The following LGSN variants were observed in gnomAD, a reference collection of about 807,000 sequenced individuals.
LGSN encodes the protein lengsin, lens protein with glutamine synthetase domain.
A neutral mutation model predicts 19.5 loss-of-function variants in LGSN; 21 were observed. That is an observed-to-expected ratio of 1.07 (90% confidence interval 0.76 to 1.55). The LOEUF (loss-of-function observed/expected upper bound fraction) is 1.55, where lower values mean the gene tolerates loss of function less well. LGSN is among the 40% of genes most tolerant of loss of function. LGSN has a pLI of 0.00. For missense variants in LGSN, 673 were observed against 608.5 expected (o/e 1.11, Z -1.12); for synonymous variants, 257 against 215.6 (o/e 1.19, Z -1.68).
At chr6:63,496,586 A>G in the LGSN span, among the ~76,000 whole-genome samples, 1 of 151,702 alleles carries the variant, frequency 6.6e-6, no homozygotes, top group African/African-American at 2.4e-5. Context: ...TAAAGTGTTT[A>G]TTATTTGAAG....
At chr6:63,377,442 G>A in the LGSN span, among the ~76,000 whole-genome samples, 6 of 152,188 alleles carry the variant, frequency 3.9e-5, no homozygotes, top group Non-Finnish European at 7.3e-5. Context: ...TCAGCCCTGG[G>A]GAGTTGGTTC....
At chr6:63,485,640 G>C in the LGSN span, among the ~76,000 whole-genome samples, 21 of 152,218 alleles carry the variant, frequency 1.4e-4, no homozygotes, top group South Asian at 1.7e-3. Flanking sequence ...AACTAATTTA[G>C]ACTCCCACCA....
the LGSN span, chr6:63,441,757 C>A: frequency 7.8e-5 from 29 of 372,412 alleles, no homozygotes; most frequent in Non-Finnish European, 1.3e-4. Flanking sequence ...CCGAATCCTG[C>A]CCCTGCAAGC....
At chr6:63,526,803 G>GTA in the LGSN span, among the ~76,000 whole-genome samples, 17,424 of 101,004 alleles carry the variant, frequency 0.17, 1,468 homozygotes, top group East Asian at 0.19. Context: ...TCTCAAAAAT[G>GTA]TATATATATA....
the LGSN span, among the ~76,000 whole-genome samples, chr6:63,456,239 G>A: frequency 1.3e-5 from 2 of 149,772 alleles, no homozygotes; most frequent in Non-Finnish European, 3.0e-5. Context: ...AAAAAAAAAA[G>A]TAAAAGTTAA....
the LGSN span, among the ~76,000 whole-genome samples, chr6:63,361,319 T>C: frequency 6.6e-6 from 1 of 152,178 alleles, no homozygotes; most frequent in Non-Finnish European, 1.5e-5. Context: ...TTGAGCTTCC[T>C]GGCTGCTTTG....
the LGSN span, among the ~76,000 whole-genome samples, chr6:63,498,186 G>A: frequency 2.0e-5 from 3 of 151,864 alleles, no homozygotes; most frequent in Non-Finnish European, 4.4e-5. Flanking sequence ...CCAAATTGCT[G>A]GGATTACAGA....
At chr6:63,544,108 T>TA in the LGSN span, among the ~76,000 whole-genome samples, 1 of 152,276 alleles carries the variant, frequency 6.6e-6, no homozygotes, top group Admixed American at 6.5e-5. Flanking sequence ...TAATTCTACT[T>TA]ACAATTGTGG....
At chr6:63,572,330 C>A in the LGSN span, 3 of 255,348 alleles carry the variant, frequency 1.2e-5, no homozygotes, top group Non-Finnish European at 2.2e-5. Context: ...CCGGTTCACA[C>A]CGGCGGCGGC....
At chr6:63,499,586 C>T in the LGSN span, among the ~76,000 whole-genome samples, 1 of 152,052 alleles carries the variant, frequency 6.6e-6, no homozygotes, top group Admixed American at 6.6e-5. Flanking sequence ...ATAGTTCTTT[C>T]CTGCTTCAGG....
At chr6:63,379,293 T>A in the LGSN span, among the ~76,000 whole-genome samples, 1 of 152,068 alleles carries the variant, frequency 6.6e-6, no homozygotes, top group East Asian at 1.9e-4. Context: ...GAGAAGGGGA[T>A]ACCATGAGGC....
Position 63,281,059 on chromosome 6 carries a change from T to C in LGSN, c.492A>G (p.Arg164=). 1.2e-6 allele frequency: 2 copies of C among 1,613,986 alleles called. No homozygotes were observed. Among genetic ancestry groups the C allele is most frequent in the Non-Finnish European group, 1.7e-6 (2 of 1,179,978 alleles). The change falls in exon 4 of 4, where the codon AGA becomes AGG. Residue 164 remains arginine, a synonymous_variant. Transcript: ENST00000370657. ...AGGTATCACATATCACTCTTGCAGT[T>C]CTGTCAGCCCATGGCAAAACTCTAA... The part of the protein sequence containing the change: ...STFRVLPWAD[R]TARVICDTFT...
the LGSN span, among the ~76,000 whole-genome samples, chr6:63,553,946 A>G: frequency 5.3e-5 from 8 of 152,236 alleles, no homozygotes; most frequent in African/African-American, 9.6e-5. Flanking sequence ...CATCAAAGTT[A>G]GTGATATCAG....
At chr6:63,422,654 A>G in the LGSN span, among the ~76,000 whole-genome samples, 1 of 152,326 alleles carries the variant, frequency 6.6e-6, no homozygotes, top group African/African-American at 2.4e-5. Context: ...AAATGTCTAT[A>G]CAAAGAGATA....
chr6:63,322,091 A>G (rs188958357), upstream of LGSN, among the ~76,000 whole-genome samples: 3 of 152,364 alleles, frequency 2.0e-5, no homozygotes, highest in Admixed American at 2.0e-4. Flanking sequence ...AGGGGAAACA[A>G]TATGTTGTTT....
At chr6:63,354,397 A>G in the LGSN span, among the ~76,000 whole-genome samples, 1 of 152,182 alleles carries the variant, frequency 6.6e-6, no homozygotes, top group Non-Finnish European at 1.5e-5. Flanking sequence ...AAAATGTTCA[A>G]CGTCACTAAT....
At chr6:63,455,688 A>T in the LGSN span, among the ~76,000 whole-genome samples, 1 of 152,120 alleles carries the variant, frequency 6.6e-6, no homozygotes, top group Non-Finnish European at 1.5e-5. Flanking sequence ...CGGGAGGCAG[A>T]GGTTGTAGTG....
At chr6:63,334,802 T>C in the LGSN span, among the ~76,000 whole-genome samples, 11 of 151,860 alleles carry the variant, frequency 7.2e-5, no homozygotes, top group Non-Finnish European at 1.5e-4. Context: ...CAGAAATAAA[T>C]CTGCATACTT....
At chr6:63,308,578 T>C (rs1582044681) in intron 1 of LGSN, among the ~76,000 whole-genome samples, 1 of 151,700 alleles carries the variant, frequency 6.6e-6, no homozygotes, top group Non-Finnish European at 1.5e-5. Flanking sequence ...GATTTAGTTT[T>C]AATTTTCTCT....
Sources: gnomAD v4.1 joint callset for allele counts (sites outside exome capture counted in the v4.1 genomes callset) on GRCh38, gnomAD v4.1.1 for gene constraint, MANE v1.5 for transcripts, NCBI Gene and HGNC (gene_info 2026-07-23, HGNC 2026-07-21) for gene names.